The following RAB11FIP4 variants were observed in gnomAD, a reference collection of about 807,000 sequenced individuals.
The protein encoded by RAB11FIP4 is rab11 family-interacting protein 4.
RAB11FIP4 carries 23 observed loss-of-function variants against 74.3 expected under a neutral mutation model. The observed-to-expected ratio is 0.31, with a 90% confidence interval of 0.22 to 0.44. The LOEUF is 0.44. RAB11FIP4 is among the 20% of genes least tolerant of loss of function. RAB11FIP4 has a pLI of 1.00. For synonymous variants in RAB11FIP4, 360 were observed against 359.9 expected (o/e 1.00, Z 0.00); for missense variants, 630 against 863.9 (o/e 0.73, Z 3.39).
At chr17:31,465,365 C>T (rs2071674271) in intron 3 of RAB11FIP4, among the ~76,000 whole-genome samples, 1 of 152,100 alleles carries the variant, frequency 6.6e-6, no homozygotes, top group Non-Finnish European at 1.5e-5. Flanking sequence ...AGCACGCTCC[C>T]CTAACCAAAG....
intron 3 of RAB11FIP4, among the ~76,000 whole-genome samples, chr17:31,468,492 G>A (rs2071706719): frequency 6.6e-6 from 1 of 152,202 alleles, no homozygotes; most frequent in Admixed American, 6.5e-5. Flanking sequence ...GATCTGGGTT[G>A]TGTGGGGCCT....
intron 3 of RAB11FIP4, among the ~76,000 whole-genome samples, chr17:31,517,137 A>C (rs1409329388): frequency 7.2e-6 from 1 of 138,724 alleles, no homozygotes; most frequent in Non-Finnish European, 1.5e-5. Context: ...AATCAGAGAT[A>C]CTCTCAGTTT....
chr17:31,481,925 A>C (rs1277591798), intron 3 of RAB11FIP4, among the ~76,000 whole-genome samples: 1 of 152,152 alleles, frequency 6.6e-6, no homozygotes, highest in Non-Finnish European at 1.5e-5. Flanking sequence ...GTTACAAGAG[A>C]ACCCAGCCCC....
intron 3 of RAB11FIP4, among the ~76,000 whole-genome samples, chr17:31,477,526 G>A (rs954859040): frequency 2.0e-5 from 3 of 152,240 alleles, no homozygotes; most frequent in Admixed American, 6.5e-5. Flanking sequence ...GAAGAGCAGC[G>A]CGGGCGTCAG....
chr17:31,450,085 G>A (rs144585218), intron 3 of RAB11FIP4, among the ~76,000 whole-genome samples: 1 of 152,196 alleles, frequency 6.6e-6, no homozygotes, highest in Non-Finnish European at 1.5e-5. Flanking sequence ...GTAGAACAAT[G>A]GAACTTATCC....
rs546649339 is a variant in RAB11FIP4, at chr17:31,442,557, C to T, written c.336+8435C>T. ...TACAGTGGCAGAGCTGAAAAGCTGC[C>T]ACAGAGGCCAAATGGACTGCAAAGC... On this transcript the variant is annotated intron_variant, in intron 3 of 14. Coordinates refer to ENST00000621161, the MANE Select transcript of RAB11FIP4 (RefSeq NM_032932.6). 1.5e-4 allele frequency among the ~76,000 whole-genome samples: 23 copies of T among 152,322 alleles called. No individual in the cohort carries two copies. The East Asian group carries it at 4.3e-3, about 28-fold the overall frequency.
intron 1 of RAB11FIP4, among the ~76,000 whole-genome samples, chr17:31,425,294 G>A (rs1475887146): frequency 1.3e-5 from 2 of 152,224 alleles, no homozygotes; most frequent in South Asian, 2.1e-4. Flanking sequence ...TTTGATTCCC[G>A]TGAGTAATGG....
chr17:31,403,297 G>T (rs1261447689), intron 1 of RAB11FIP4, among the ~76,000 whole-genome samples: 1 of 151,810 alleles, frequency 6.6e-6, no homozygotes, highest in East Asian at 1.9e-4. Flanking sequence ...ACCAAAACTT[G>T]CTGGCTGCCT....
chr17:31,392,087 GGGTCA>G, intron 1 of RAB11FIP4, 76 bp downstream of exon 1: 1 of 854,716 alleles, frequency 1.2e-6, no homozygotes, highest in South Asian at 5.3e-5. Context: ...CTCCCCCGCC[GGGTCA>G]CCCGCGTGGC....
chr17:31,414,761 C>G (rs1261685666), intron 1 of RAB11FIP4, among the ~76,000 whole-genome samples: 1 of 152,240 alleles, frequency 6.6e-6, no homozygotes, highest in Non-Finnish European at 1.5e-5. Context: ...CACCTCCCCT[C>G]CCATCACCAC....
At chr17:31,495,247 AG>A (rs2072091988) in intron 3 of RAB11FIP4, among the ~76,000 whole-genome samples, 1 of 152,118 alleles carries the variant, frequency 6.6e-6, no homozygotes, top group Non-Finnish European at 1.5e-5. Flanking sequence ...TGCCCTTGGT[AG>A]TTAACCACAG....
chr17:31,511,371 C>T (rs2072449312), intron 3 of RAB11FIP4, among the ~76,000 whole-genome samples: 1 of 152,212 alleles, frequency 6.6e-6, no homozygotes, highest in Admixed American at 6.5e-5. Context: ...TTACATCAGG[C>T]CCAGAAATTA....
Position 31,517,705 on chromosome 17 carries a change from C to G in RAB11FIP4, c.391C>G (p.Pro131Ala), listed in dbSNP as rs773169314. The G allele has an allele frequency of 4.4e-6, 7 of 1,607,278 alleles. No individual in the cohort carries two copies. The East Asian group carries it at 1.6e-4, about 36-fold the overall frequency. Residue 131 changes from proline to alanine, a missense_variant, in exon 4 of 15, where the codon CCC becomes GCC. By Grantham distance (27) the Pro-to-Ala change is conservative. Coordinates refer to ENST00000621161, the MANE Select transcript of RAB11FIP4 (RefSeq NM_032932.6). ...TGATGGCGAGCTCATCCCCAGGGAA[C>G]CCGGCTTTTTTCCCGAGGACGAGGA... ...FADGELIPRE[P>A]GFFPEDEEEA...
intron 3 of RAB11FIP4, among the ~76,000 whole-genome samples, chr17:31,453,529 C>T (rs1240119190): frequency 3.3e-5 from 5 of 151,872 alleles, no homozygotes; most frequent in Admixed American, 1.3e-4. Context: ...GGTTGTAACT[C>T]GTGTCTTCCT....
intron 3 of RAB11FIP4, among the ~76,000 whole-genome samples, chr17:31,479,593 C>T (rs1376392485): frequency 6.6e-6 from 1 of 152,196 alleles, no homozygotes; most frequent in African/African-American, 2.4e-5. Context: ...CTCTTAGTAA[C>T]ACAGCTTGTG....
chr17:31,508,283 A>G (rs1255822961), intron 3 of RAB11FIP4, among the ~76,000 whole-genome samples: 3 of 152,170 alleles, frequency 2.0e-5, no homozygotes, highest in Non-Finnish European at 4.4e-5. Flanking sequence ...TCTGGTCTGC[A>G]TCCTAATGGG....
intron 13 of RAB11FIP4, 85 bp from the exon 14 acceptor site, chr17:31,530,241 G>C: frequency 6.5e-7 from 1 of 1,540,582 alleles, no homozygotes; most frequent in Admixed American, 1.7e-5. Flanking sequence ...GCGGCAGGTC[G>C]GGGACGGTGG....
Position 31,523,540 on chromosome 17 carries a change from A to G in RAB11FIP4, c.958A>G (p.Ser320Gly). The G allele has an allele frequency of 6.2e-7, 1 of 1,614,116 alleles. No homozygotes were observed. Among genetic ancestry groups the G allele is most frequent in the Non-Finnish European group, 8.5e-7 (1 of 1,179,992 alleles). The part of the protein sequence containing the change: ...RQLMHSSNFS[S>G]SNGSTEDLFR... ...GCTCATGCACAGCAGCAACTTCAGC[A>G]GCAGCAATGGCAGCACCGAAGACCT... The change falls in exon 8 of 15, where the codon AGC (serine) becomes GGC (glycine). Residue 320 changes from serine (S) to glycine (G), a missense_variant. Transcript: ENST00000621161.
At chr17:31,408,757 G>A (rs2071065417) in intron 1 of RAB11FIP4, among the ~76,000 whole-genome samples, 1 of 152,216 alleles carries the variant, frequency 6.6e-6, no homozygotes, top group Non-Finnish European at 1.5e-5. Context: ...ACATGTGCTG[G>A]AACATTGGCC....
Sources: gnomAD v4.1 joint callset for allele counts (sites outside exome capture counted in the v4.1 genomes callset) on GRCh38, gnomAD v4.1.1 for gene constraint, MANE v1.5 for transcripts, NCBI Gene and HGNC (gene_info 2026-07-23, HGNC 2026-07-21) for gene names.